SIGIRR: variants seen among roughly 807,000 people sequenced by gnomAD.
SIGIRR encodes the protein single Ig IL-1-related receptor.
SIGIRR carries 41 observed loss-of-function variants against 45.6 expected under a neutral mutation model. The ratio of observed to expected loss-of-function variants is 0.90; its 90% confidence interval spans 0.70 to 1.17. The LOEUF (loss-of-function observed/expected upper bound fraction) is 1.17, where lower values mean the gene tolerates loss of function less well. Ranked by LOEUF, SIGIRR falls within the 50% of genes most tolerant of loss-of-function variation. The pLI, the probability that SIGIRR is intolerant of heterozygous loss-of-function variation, is 0.00. For synonymous variants in SIGIRR, 298 were observed against 239.0 expected, an observed-to-expected ratio of 1.25 and a Z score of -2.28; for missense variants, 599 against 539.6, an observed-to-expected ratio of 1.11 and a Z score of -1.09.
rs752745078 is a variant in SIGIRR, at chr11:406,394, G to A, written c.1024C>T (p.Arg342Trp). ...GGGTCCACCTCTGAGTCCAGGGCCCGGCCCTCAGGGACTCGGCCTCGAAGA... is the reference window on the plus strand; with the variant it reads ...GGGTCCACCTCTGAGTCCAGGGCCCAGCCCTCAGGGACTCGGCCTCGAAGA... ...LILRGRVPEG[R>W]ALDSEVDPDP... Residue 342 changes from arginine to tryptophan, a missense_variant, in exon 9 of 10, where the codon CGG (arginine) becomes TGG (tryptophan). Coordinates refer to ENST00000431843, the MANE Select transcript of SIGIRR (RefSeq NM_001135054.2). 6.2e-7 allele frequency: 1 copy of A among 1,612,552 alleles called. No homozygotes were observed. Among genetic ancestry groups the A allele is most frequent in the African/African-American group, 1.3e-5 (1 of 74,934 alleles).
chr11:412,692 G>C (rs1317816454), intron 1 of SIGIRR, among the ~76,000 whole-genome samples: 4 of 123,074 alleles, frequency 3.3e-5, no homozygotes, highest in African/African-American at 6.0e-5. Context: ...CGGGGGGGGG[G>C]GGTGCCCAGC....
Position 408,146 on chromosome 11 carries a change from G to A in SIGIRR, c.267C>T (p.Ser89=). ...VSSVLGVNVT[S]TEVYGAFTCS... is the part of the protein sequence containing the mutation. ...AGGTGAAGGCCCCATAGACTTCAGT[G>A]CTGGTCACGTTGACCCCCAGGACAC... is the stretch of plus-strand genomic sequence containing the variant. Residue 89 remains serine (S), a synonymous_variant, in exon 4 of 10, where the codon AGC becomes AGT. Coordinates refer to ENST00000431843, the MANE Select transcript of SIGIRR (RefSeq NM_001135054.2). The A allele has an allele frequency of 1.2e-6, 2 of 1,612,818 alleles. No homozygotes were observed. Among genetic ancestry groups the A allele is most frequent in the Non-Finnish European group, 1.7e-6 (2 of 1,179,964 alleles).
chr11:406,982 C>G lies in SIGIRR; in HGVS notation c.740G>C (p.Cys247Ser), dbSNP rs1213582832. ...TCTGCGGGTGAGCTCCAGCAGCCGG[C>G]ACAGGCCCTCCCTGCGGGGCGGGAC... is the stretch of plus-strand genomic sequence containing the variant. ...WCSHSFREGL[C>S]RLLELTRRPI... is the part of the protein sequence containing the mutation. Residue 247 changes from cysteine (C) to serine (S), a missense_variant, in exon 8 of 10, where the codon TGC (cysteine) becomes TCC (serine). Transcript: ENST00000431843. The G allele has an allele frequency of 6.2e-7, 1 of 1,600,040 alleles. No individual in the cohort carries two copies. Among genetic ancestry groups the G allele is most frequent in the East Asian group, 2.3e-5 (1 of 44,332 alleles).
intron 4 of SIGIRR, 36 bp downstream of exon 4, chr11:408,037 C>T (rs867378917): frequency 2.5e-6 from 4 of 1,611,266 alleles, no homozygotes; most frequent in Middle Eastern, 1.7e-4. Context: ...AGGTCTAGGT[C>T]CCCTTCTACC....
rs1847321580 is a variant in SIGIRR, at chr11:406,675, A to G, written c.880-137T>C. ...CTATTCCGTGGCTCCGGGGGCCTCAAGGGCGGCTCCCCGCATCGGGGCCCC... is the reference window on the plus strand; with the variant it reads ...CTATTCCGTGGCTCCGGGGGCCTCAGGGGCGGCTCCCCGCATCGGGGCCCC... On this transcript the variant is annotated intron_variant, in intron 8 of 9. Transcript: ENST00000431843. 11 of 1,407,188 alleles carry G rather than the reference A, an allele frequency of 7.8e-6. No individual in the cohort carries two copies. The South Asian group carries it at 1.6e-4, about 21-fold the overall frequency. The allele number at this position is 1,407,188 out of a possible 1,614,324, so 87.2% of individuals were successfully genotyped here.
In SIGIRR at chr11:408,805, G is replaced by A. The variant is rs1847466934; in HGVS notation, c.96C>T (p.Cys32=). 6.2e-7 allele frequency: 1 copy of A among 1,612,800 alleles called. No homozygotes were observed. Among genetic ancestry groups the A allele is most frequent in the Non-Finnish European group, 8.5e-7 (1 of 1,179,988 alleles). ...GGGGCCCAGAGACTACCCAAGCCGT[G>A]CAGTTCAGAGCCACTGAGCTGCCCA... ...PALGSSVALN[C]TAWVVSGPHC... The change falls in exon 3 of 10, where the codon TGC becomes TGT. Residue 32 remains cysteine, a synonymous_variant. Transcript: ENST00000431843.
chr11:407,711 CGGGGGCTAACCCCT>C (rs1847410122), intron 5 of SIGIRR, 92 bp downstream of exon 5: 1 of 1,569,624 alleles, frequency 6.4e-7, no homozygotes, highest in African/African-American at 1.4e-5. Context: ...ACAGAGCACC[CGGGGGCTAACCCCT>C]CCCCGCCGCA....
rs371253036 is a variant in SIGIRR, at chr11:406,327, G to C, written c.1069+22C>G. 3.6e-4 allele frequency: 584 copies of C among 1,610,090 alleles called. 2 individuals are homozygous for C. The highest frequency in any genetic ancestry group is 2.5e-4 in the Non-Finnish European group (290 of 1,178,934). On this transcript the variant is annotated intron_variant, in intron 9 of 9. Coordinates refer to ENST00000431843, the MANE Select transcript of SIGIRR (RefSeq NM_001135054.2). ...CCTGTGCTGAGCTTCTCCAGTTGGG[G>C]AGTGGGGCTGGGCGGGCATACCCAG...
rs148117689 is a variant in SIGIRR at position 408,802 on chromosome 11, C to G, written c.99G>C (p.Thr33=). 3.1e-6 allele frequency: 5 copies of G among 1,612,814 alleles called. No individual in the cohort carries two copies. Among genetic ancestry groups the G allele is most frequent in the Non-Finnish European group, 4.2e-6 (5 of 1,179,994 alleles). The stretch of plus-strand genomic sequence containing the variant: ...AGTGGGGCCCAGAGACTACCCAAGC[C>G]GTGCAGTTCAGAGCCACTGAGCTGC... ...ALGSSVALNC[T]AWVVSGPHCS... The change falls in exon 3 of 10, where the codon ACG becomes ACC. Residue 33 remains threonine, a synonymous_variant. Coordinates refer to ENST00000431843, the MANE Select transcript of SIGIRR (RefSeq NM_001135054.2).
At chr11:408,045 A>G in intron 4 of SIGIRR, 28 bp downstream of exon 4, 1 of 1,612,100 alleles carries the variant, frequency 6.2e-7, no homozygotes, top group African/African-American at 1.3e-5. Flanking sequence ...GTCCCCTTCT[A>G]CCCTCCACCT....
chr11:407,086 CGGCTCAGGAA>C lies in SIGIRR; in HGVS notation c.694_703del (p.Phe232GlyfsTer49). 2.6e-6 allele frequency: 4 copies of C among 1,540,796 alleles called. No homozygotes were observed. The highest frequency in any genetic ancestry group is 3.5e-6 in the Non-Finnish European group (4 of 1,148,508). ...CCGGAAGCTGTGGCTGCACCAGGCC[CGGCTCAGGAA>C]GGCGTCCGAAAGCACCACGATGAGG... On this transcript the variant is annotated frameshift_variant, in exon 7 of 10. Transcript: ENST00000431843. LOFTEE classifies it high-confidence loss of function.
rs907550473 is a variant in SIGIRR, at chr11:409,937, G to T, written c.-63C>A. ...CCAGGGTCACCCCTGGCTCCACCGG[G>T]CTCCTCGGCCAGCAGACTGATCCAA... On this transcript the variant is annotated 5_prime_UTR_variant, in exon 2 of 10. Coordinates refer to ENST00000431843, the MANE Select transcript of SIGIRR (RefSeq NM_001135054.2). 7.9e-7 allele frequency: 1 copy of T among 1,264,954 alleles called. No homozygotes were observed. The allele number at this position is 1,264,954 out of a possible 1,614,324, so 78.4% of individuals were successfully genotyped here. A position where few individuals can be genotyped will look rare whatever the true frequency, so the allele number is the denominator to read the frequency against.
intron 9 of SIGIRR, 132 bp downstream of exon 9, chr11:406,217 C>A (rs1422034683): frequency 1.3e-6 from 2 of 1,539,380 alleles, no homozygotes; most frequent in East Asian, 2.4e-5. Flanking sequence ...GGGCAGAGGC[C>A]GTGCAGGGGC....
chr11:407,271 TGCGGGGTGG>T (rs200097210), intron 6 of SIGIRR, 107 bp from the exon 7 acceptor site: 519,408 of 628,940 alleles, frequency 0.83, 211,138 homozygotes, highest in East Asian at 1. Context: ...GGGCGGGGCC[TGCGGGGTGG>T]GCGGGTTTTT....
intron 9 of SIGIRR, 40 bp from the exon 10 acceptor site, chr11:406,099 C>T: frequency 1.3e-6 from 2 of 1,545,412 alleles, no homozygotes. Context: ...TGGCCACCCA[C>T]AGCCTTGGCC....
chr11:406,942 G>C lies in SIGIRR; in HGVS notation c.780C>G (p.Thr260=), dbSNP rs751092092. ...LELTRRPIFI[T]FEGQRRDPAH... ...CGGGGTCGCGCCTCTGGCCCTCGAA[G>C]GTGATGAAGATGGGTCTGCGGGTGA... The change falls in exon 8 of 10, where the codon ACC becomes ACG. Residue 260 remains threonine (T), a synonymous_variant. Transcript: ENST00000431843. 1 of 1,602,232 alleles carries C rather than the reference G, an allele frequency of 6.2e-7. No homozygotes were observed. Among genetic ancestry groups the C allele is most frequent in the South Asian group, 1.1e-5 (1 of 90,434 alleles).
chr11:412,484 T>G (rs1590388387), intron 1 of SIGIRR, among the ~76,000 whole-genome samples: 1 of 29,812 alleles, frequency 3.4e-5, no homozygotes, highest in Admixed American at 4.8e-4. Context: ...CTGGATGCAG[T>G]CGGGGGGTGC....
upstream of SIGIRR, among the ~76,000 whole-genome samples, chr11:416,883 G>A (rs1847900586): frequency 1.3e-5 from 2 of 152,264 alleles, no homozygotes; most frequent in East Asian, 3.9e-4. The surrounding 1 kb of genome is among the most constrained non-coding windows in gnomAD (Gnocchi z 9.1). Flanking sequence ...GAGGCGCGCG[G>A]ATGGCGGAAG....
At chr11:409,410 C>A in intron 2 of SIGIRR, 1 of 262,028 alleles carries the variant, frequency 3.8e-6, no homozygotes, top group Non-Finnish European at 7.5e-6. Context: ...AGCAGTTGGC[C>A]TCATTCCTGC....
Sources: allele counts gnomAD v4.1 joint callset (sites outside exome capture counted in the v4.1 genomes callset), GRCh38; gene constraint gnomAD v4.1.1; non-coding constraint Gnocchi (gnomAD v3.1); transcripts MANE v1.5; gene names NCBI Gene and HGNC (gene_info 2026-07-23, HGNC 2026-07-21).